The following KRI1 variants were observed in gnomAD, a reference collection of about 807,000 sequenced individuals.
The protein encoded by KRI1 is KRI1 homolog.
KRI1 carries 83 observed loss-of-function variants against 97.0 expected under a neutral mutation model. That is an observed-to-expected ratio of 0.86 (90% CI 0.72 to 1.03). The LOEUF (loss-of-function observed/expected upper bound fraction) is 1.03, where lower values mean the gene tolerates loss of function less well. Among genes scored for constraint, KRI1 ranks in the 50% least tolerant of loss-of-function variants. The probability of loss-of-function intolerance (pLI) is 0.00; values close to 1 mark genes in which losing one functional copy is unlikely to be tolerated. For synonymous variants in KRI1, 371 were observed against 363.5 expected (o/e 1.02, Z -0.23); for missense variants, 916 against 928.4 (o/e 0.99, Z 0.17).
intron 2 of KRI1, chr19:10,565,485 C>T (rs560174133): frequency 3.5e-6 from 2 of 576,066 alleles, no homozygotes; most frequent in African/African-American, 2.0e-5. Context: ...AGTCGCCCCA[C>T]ACATCAGAGT....
At chr19:10,557,446 G>T in intron 16 of KRI1, 106 bp downstream of exon 16, 1 of 1,240,924 alleles carries the variant, frequency 8.1e-7, no homozygotes, top group Non-Finnish European at 1.1e-6. Flanking sequence ...AGCCTGCCAT[G>T]TTGTGGCATT....
At chr19:10,565,336 G>A in intron 2 of KRI1, 1 of 536,538 alleles carries the variant, frequency 1.9e-6, no homozygotes, top group South Asian at 2.3e-5. Flanking sequence ...AGCGGGGAGG[G>A]GCTGGGCCAG....
chr19:10,559,992 C>G, intron 9 of KRI1, 56 bp from the exon 10 acceptor site: 8 of 1,588,610 alleles, frequency 5.0e-6, no homozygotes, highest in Non-Finnish European at 6.8e-6. Context: ...TCGAGCCCCC[C>G]TTTCCTGCAC....
intron 2 of KRI1, 44 bp from the exon 3 acceptor site, chr19:10,565,078 A>T: frequency 7.7e-7 from 1 of 1,299,856 alleles, no homozygotes; most frequent in Non-Finnish European, 1.1e-6. Context: ...GAAGGGAGAT[A>T]ATAAGAGCCC....
chr19:10,555,348 A>T lies in KRI1; in HGVS notation c.1619T>A (p.Ile540Asn). Residue 540 changes from isoleucine to asparagine, a missense_variant and splice_region_variant, in exon 17 of 19, where the codon ATC becomes AAC. Coordinates refer to ENST00000312962, the MANE Select transcript of KRI1 (RefSeq NM_023008.5). ...PCDFGLSTEE[I>N]LAADDKELNR... ...CAGCTCCTTATCGTCAGCAGCGAGGATCTGCGTGGGAAGGGAGAGTGGGGA... is the reference window on the plus strand; with the variant it reads ...CAGCTCCTTATCGTCAGCAGCGAGGTTCTGCGTGGGAAGGGAGAGTGGGGA... The T allele has an allele frequency of 6.2e-7, 1 of 1,607,872 alleles. No homozygotes were observed. The highest frequency in any genetic ancestry group is 1.1e-5 in the South Asian group (1 of 90,832).
chr19:10,553,097 CTA>C lies in KRI1; in HGVS notation c.*852_*853del. 1 of 1,561,108 alleles carries C rather than the reference CTA, an allele frequency of 6.4e-7. No homozygotes were observed. The highest frequency in any genetic ancestry group is 1.1e-5 in the South Asian group (1 of 88,978). On this transcript the variant is annotated 3_prime_UTR_variant, in exon 19 of 19. Transcript: ENST00000312962. ...AGGGGATGAGGGGAAAGATACAACA[CTA>C]TTTATTTTTTTATTTATGTCATGTC...
chr19:10,556,857 A>G (rs1433453672), intron 16 of KRI1, among the ~76,000 whole-genome samples: 3 of 151,672 alleles, frequency 2.0e-5, no homozygotes, highest in Non-Finnish European at 4.4e-5. Context: ...AAAAAAATTA[A>G]TTGGGCATGG....
Position 10,557,618 on chromosome 19 carries a change from G to A in KRI1, c.1551C>T (p.Asp517=), listed in dbSNP as rs755390588. The A allele has an allele frequency of 1.9e-5, 30 of 1,614,062 alleles. No homozygotes were observed. In the African/African-American group the frequency reaches 2.7e-4, roughly 14 times the overall value. ...YYRLDYEDII[D]DLPCRFKYRT... ...GGTACTTGAAGCGACAGGGCAGGTC[G>A]TCGATGATGTCCTCGTAGTCCAGCC... Residue 517 remains aspartate (D), a synonymous_variant, in exon 16 of 19, where the codon GAC becomes GAT. Coordinates refer to ENST00000312962, the MANE Select transcript of KRI1 (RefSeq NM_023008.5).
In KRI1 at chr19:10,558,157, A is replaced by T. The variant is rs373943327; in HGVS notation, c.1270+7T>A. The T allele has an allele frequency of 1.8e-4, 284 of 1,613,540 alleles. 1 individual carries two copies. The highest frequency in any genetic ancestry group is 2.3e-4 in the Non-Finnish European group (269 of 1,179,796). ...AATCCCCAGCCCAGTGCCCCAGCTG[A>T]TCTCACCTTCAAGCCCTTCTTCTTC... On this transcript the variant is annotated splice_region_variant and intron_variant, in intron 13 of 18. Coordinates refer to ENST00000312962, the MANE Select transcript of KRI1 (RefSeq NM_023008.5).
In KRI1 at chr19:10,559,890, C is replaced by A; in HGVS notation, c.847G>T (p.Glu283Ter). 6.2e-7 allele frequency: 1 copy of A among 1,613,456 alleles called. No individual in the cohort carries two copies. The highest frequency in any genetic ancestry group is 8.5e-7 in the Non-Finnish European group (1 of 1,180,016). Residue 283 changes from glutamate (E) to a stop codon, truncating the protein, a stop_gained, in exon 10 of 19, where the codon GAA (glutamate) becomes TAA (stop). Coordinates refer to ENST00000312962, the MANE Select transcript of KRI1 (RefSeq NM_023008.5). LOFTEE classifies it high-confidence loss of function. ...TGTTTCTTCAGAAACAGCTCCCCTT[C>A]GTCTGAGGAGTCGTCCACAGCCAGC... Reference protein sequence around the residue: ...VQLAVDDSSDEGELFLKKQED... With the variant: ...VQLAVDDSSD
In KRI1 at chr19:10,559,808, AC is replaced by A. The variant is rs1465111204; in HGVS notation, c.927+1del. 1 of 1,613,614 alleles carries A rather than the reference AC, an allele frequency of 6.2e-7. No individual in the cohort carries two copies. The highest frequency in any genetic ancestry group is 8.5e-7 in the Non-Finnish European group (1 of 1,179,888). On this transcript the variant is annotated splice_donor_variant, in intron 10 of 18. Coordinates refer to ENST00000312962, the MANE Select transcript of KRI1 (RefSeq NM_023008.5). LOFTEE classifies it high-confidence loss of function. ...GAGTCCTCCCCAGCCCCAGCCACAC[AC>A]CGATGCTGAGTCCGGCTCCTCGAAA...
intron 3 of KRI1, among the ~76,000 whole-genome samples, chr19:10,563,264 C>T (rs191511444): frequency 2.0e-4 from 30 of 151,906 alleles, no homozygotes; most frequent in Non-Finnish European, 3.8e-4. Context: ...CCATGTTGGT[C>T]AGGTTGGTCT....
chr19:10,553,709 G>C lies in KRI1; in HGVS notation c.*242C>G, dbSNP rs535855330. On this transcript the variant is annotated 3_prime_UTR_variant, in exon 19 of 19. Transcript: ENST00000312962. ...TCCTTCCCCAGCCTCCTGAGTAGCT[G>C]GGACTACAGGCATGTGTCACCACAT... 1 of 472,646 alleles carries C rather than the reference G, an allele frequency of 2.1e-6. No homozygotes were observed. Among genetic ancestry groups the C allele is most frequent in the African/African-American group, 2.0e-5 (1 of 50,426 alleles). The allele number at this position is 472,646 out of a possible 1,614,324, so 29.3% of individuals were successfully genotyped here. A position where few individuals can be genotyped will look rare whatever the true frequency, so the allele number is the denominator to read the frequency against.
intron 1 of KRI1, 41 bp downstream of exon 1, chr19:10,565,865 C>G: frequency 1.3e-6 from 2 of 1,534,638 alleles, no homozygotes; most frequent in South Asian, 2.4e-5. Flanking sequence ...CCCAACCGGC[C>G]GGCGCGCGCA....
In KRI1 at chr19:10,557,812, G is replaced by A. The variant is rs773868539; in HGVS notation, c.1443C>T (p.Pro481=). The part of the protein sequence containing the change: ...PLTGKKKRKS[P]FAAAVGQEKP... ...TCTCCTGCCCCACGGCCGCGGCGAA[G>A]GGCGACTTGCGCTTCTTCTTGCCCG... The change falls in exon 15 of 19, where the codon CCC becomes CCT. Residue 481 remains proline, a synonymous_variant. Transcript: ENST00000312962. 2.5e-6 allele frequency: 4 copies of A among 1,613,326 alleles called. No individual in the cohort carries two copies. The highest frequency in any genetic ancestry group is 8.5e-7 in the Non-Finnish European group (1 of 1,179,964).
rs370349927 is a variant in KRI1 at position 10,558,665 on chromosome 19, C to G, written c.1195-426G>C. On this transcript the variant is annotated intron_variant, in intron 12 of 18. Coordinates refer to ENST00000312962, the MANE Select transcript of KRI1 (RefSeq NM_023008.5). ...TCAAGCGATTCTCCTGCCTCAGCCTCCGGAATAGCTGGGATTACAGGCATG... is the reference window on the plus strand; with the variant it reads ...TCAAGCGATTCTCCTGCCTCAGCCTGCGGAATAGCTGGGATTACAGGCATG... Among the ~76,000 whole-genome samples the G allele has an allele frequency of 1.0e-3, 152 of 152,218 alleles. 8 individuals carry two copies. In the South Asian group the frequency reaches 0.03, roughly 30 times the overall value.
chr19:10,564,060 C>T (rs1394744679), intron 3 of KRI1, among the ~76,000 whole-genome samples: 1 of 150,892 alleles, frequency 6.6e-6, no homozygotes, highest in South Asian at 2.1e-4. Context: ...GCAGGAGAAT[C>T]GGTTGAACCG....
Position 10,565,820 on chromosome 19 carries a change from C to CCA in KRI1, c.95-31_95-30insTG, listed in dbSNP as rs61702518. 4.5e-6 allele frequency: 7 copies of CCA among 1,551,350 alleles called. No individual in the cohort carries two copies. In the South Asian group the frequency reaches 5.9e-5, roughly 13 times the overall value. On this transcript the variant is annotated intron_variant, in intron 1 of 18. Transcript: ENST00000312962. ...GGGACACAGACGGGATGCCCCCCCC[C>CCA]AGGTCAGCCGGCGGGGCCACTCGAC...
rs1322177713 is a variant in KRI1, at chr19:10,561,209, G to A, written c.545C>T (p.Ser182Phe). 6.2e-7 allele frequency: 1 copy of A among 1,614,084 alleles called. No individual in the cohort carries two copies. Among genetic ancestry groups the A allele is most frequent in the Non-Finnish European group, 8.5e-7 (1 of 1,180,030 alleles). The change falls in exon 7 of 19, where the codon TCC becomes TTC. Residue 182 changes from serine (S) to phenylalanine (F), a missense_variant. Around this residue, in one of 3 missense-constraint regions of KRI1, gnomAD observed 71 missense variants for 108.1 expected, o/e 0.66. Coordinates refer to ENST00000312962, the MANE Select transcript of KRI1 (RefSeq NM_023008.5). ...EDEDGAGEGG[S>F]SLLQKRAKTR... The stretch of plus-strand genomic sequence containing the variant: ...TTTGGCACGTTTCTGCAGCAAACTG[G>A]AGCCGCCCTCCCCAGCGCCGTCCTC...
Sources: allele counts gnomAD v4.1 joint callset (sites outside exome capture counted in the v4.1 genomes callset), GRCh38; gene constraint gnomAD v4.1.1; regional missense constraint gnomAD v4.1.1; transcripts MANE v1.5; gene names NCBI Gene and HGNC (gene_info 2026-07-23, HGNC 2026-07-21).